Variants in IL1RAPL2 observed in about 807,000 individuals in gnomAD.
IL1RAPL2 encodes interleukin 1 receptor accessory protein like 2.
IL1RAPL2 carries 3 observed loss-of-function variants against 44.1 expected under a neutral mutation model. The observed-to-expected ratio is 0.07, with a 90% CI of 0.03 to 0.18. IL1RAPL2 has a LOEUF of 0.18. IL1RAPL2 is among the 10% of genes least tolerant of loss of function. The pLI is 1.00. For missense variants in IL1RAPL2, 391 were observed against 496.4 expected, an observed-to-expected ratio of 0.79 and a Z score of 2.02; for synonymous variants, 181 against 178.8, an observed-to-expected ratio of 1.01 and a Z score of -0.10.
chrX:105,287,632 T>A (rs1054872953), intron 5 of IL1RAPL2, among the ~76,000 whole-genome samples: 2 of 111,297 alleles, frequency 1.8e-5, no homozygotes, highest in Non-Finnish European at 3.8e-5. Context: ...AGGGTGGAAG[T>A]TGTGACTATA....
chrX:104,731,300 A>T (rs1166944824), intron 2 of IL1RAPL2, among the ~76,000 whole-genome samples: 1 of 110,199 alleles, frequency 9.1e-6, no homozygotes, highest in Non-Finnish European at 1.9e-5. Flanking sequence ...GCCCATGCCT[A>T]TGTCCTGAAT....
intron 1 of IL1RAPL2, among the ~76,000 whole-genome samples, chrX:104,646,608 T>C (rs1275079332): frequency 8.9e-6 from 1 of 112,199 alleles, no homozygotes; most frequent in African/African-American, 3.2e-5. Context: ...AAAACAAAGT[T>C]TTATTTTTCA....
intron 2 of IL1RAPL2, among the ~76,000 whole-genome samples, chrX:104,956,268 G>C (rs1272566798): frequency 8.9e-6 from 1 of 111,775 alleles, no homozygotes; most frequent in Non-Finnish European, 1.9e-5. Flanking sequence ...CAGCACTACT[G>C]ACTGACACTA....
At chrX:104,718,523 C>T (rs1389024041) in intron 2 of IL1RAPL2, among the ~76,000 whole-genome samples, 1 of 110,547 alleles carries the variant, frequency 9.0e-6, no homozygotes, top group Non-Finnish European at 1.9e-5. Flanking sequence ...GGAGTTCTCA[C>T]AAGATCTGCT....
chrX:105,471,328 T>C (rs2036164526), intron 5 of IL1RAPL2, among the ~76,000 whole-genome samples: 1 of 112,169 alleles, frequency 8.9e-6, no homozygotes, highest in African/African-American at 3.2e-5. Context: ...ACAGAACCTA[T>C]GCTTTCAACT....
intron 5 of IL1RAPL2, among the ~76,000 whole-genome samples, chrX:105,273,844 G>T (rs935094833): frequency 3.6e-5 from 4 of 111,553 alleles, no homozygotes; most frequent in African/African-American, 1.3e-4. Flanking sequence ...TCTTCAGAGG[G>T]CCAAGGGGAA....
chrX:105,075,548 T>A (rs1402878639), intron 2 of IL1RAPL2, among the ~76,000 whole-genome samples: 1 of 111,959 alleles, frequency 8.9e-6, no homozygotes, highest in Non-Finnish European at 1.9e-5. Flanking sequence ...AGGATGATGC[T>A]GGCCTCATAA....
chrX:105,411,994 AAAG>A (rs1352383110), intron 5 of IL1RAPL2, among the ~76,000 whole-genome samples: 1 of 111,711 alleles, frequency 9.0e-6, no homozygotes, highest in African/African-American at 3.2e-5. Flanking sequence ...AAATCAATAA[AAAG>A]AAAAACTTTG....
chrX:104,616,312 C>T (rs1569281602), intron 1 of IL1RAPL2, among the ~76,000 whole-genome samples: 1 of 112,135 alleles, frequency 8.9e-6, no homozygotes, highest in Non-Finnish European at 1.9e-5. Flanking sequence ...CTAACTTAAT[C>T]AACTCCATGT....
intron 1 of IL1RAPL2, chrX:104,647,891 A>G: frequency 1.6e-6 from 1 of 640,780 alleles, no homozygotes; most frequent in South Asian, 2.3e-5. Flanking sequence ...GTCAAAGATG[A>G]CAGCTCTGTG....
chrX:105,250,908 A>T (rs2034263449), intron 4 of IL1RAPL2, among the ~76,000 whole-genome samples: 1 of 111,166 alleles, frequency 9.0e-6, no homozygotes, highest in Admixed American at 9.6e-5. Flanking sequence ...CCAGAAACAG[A>T]TAAAAATACT....
chrX:105,684,711 C>T (rs752679774), intron 6 of IL1RAPL2, among the ~76,000 whole-genome samples: 15 of 112,361 alleles, frequency 1.3e-4, no homozygotes, highest in Admixed American at 6.5e-4. Context: ...GCTCTGAGAA[C>T]GGACAGACTG....
At chrX:104,815,601 T>A (rs947675469) in intron 2 of IL1RAPL2, among the ~76,000 whole-genome samples, 2 of 112,231 alleles carry the variant, frequency 1.8e-5, no homozygotes, top group African/African-American at 6.5e-5. Flanking sequence ...AATAATTTTA[T>A]GTTTTTTAAT....
chrX:104,909,238 C>T (rs1213866254), intron 2 of IL1RAPL2, among the ~76,000 whole-genome samples: 1 of 111,478 alleles, frequency 9.0e-6, no homozygotes, highest in Non-Finnish European at 1.9e-5. Flanking sequence ...TCTAGTTATA[C>T]ATTCTTCTAA....
intron 2 of IL1RAPL2, among the ~76,000 whole-genome samples, chrX:104,894,724 G>C (rs1374290625): frequency 8.9e-6 from 1 of 111,792 alleles, no homozygotes; most frequent in Admixed American, 9.5e-5. Flanking sequence ...CTTTGCAATG[G>C]TTTCAAACTT....
At chrX:105,444,225 A>C (rs1396956506) in intron 5 of IL1RAPL2, among the ~76,000 whole-genome samples, 1 of 111,617 alleles carries the variant, frequency 9.0e-6, no homozygotes, top group Non-Finnish European at 1.9e-5. Context: ...TGAACACCTT[A>C]TATATTCTGG....
intron 2 of IL1RAPL2, among the ~76,000 whole-genome samples, chrX:105,009,548 A>C (rs1171492267): frequency 1.0e-5 from 1 of 95,474 alleles, no homozygotes; most frequent in Non-Finnish European, 2.1e-5. Flanking sequence ...GAATTGAACA[A>C]TGAGAACACA....
At chrX:104,674,628 G>C (rs1930702983) in intron 2 of IL1RAPL2, among the ~76,000 whole-genome samples, 1 of 110,909 alleles carries the variant, frequency 9.0e-6, no homozygotes, top group Admixed American at 9.6e-5. Flanking sequence ...AGTTAGGGAG[G>C]ATTCCCTCTT....
chrX:105,234,606 C>T (rs1019183815), intron 4 of IL1RAPL2, among the ~76,000 whole-genome samples: 7 of 110,241 alleles, frequency 6.3e-5, no homozygotes, highest in Non-Finnish European at 1.1e-4. Flanking sequence ...GTCAGGAGTT[C>T]GAGACCAGCC....
Sources: allele counts gnomAD v4.1 joint callset (sites outside exome capture counted in the v4.1 genomes callset), GRCh38; gene constraint gnomAD v4.1.1; transcripts MANE v1.5; gene names NCBI Gene and HGNC (gene_info 2026-07-23, HGNC 2026-07-21).